The following STAT5B variants were observed in gnomAD, a reference collection of about 807,000 sequenced individuals.
STAT5B encodes transcription factor STAT5B.
STAT5B carries 21 observed loss-of-function variants against 107.8 expected under a neutral mutation model. The ratio of observed to expected loss-of-function variants is 0.19; its 90% confidence interval spans 0.14 to 0.28. The LOEUF (loss-of-function observed/expected upper bound fraction) is 0.28, where lower values mean the gene tolerates loss of function less well. Among genes scored for constraint, STAT5B ranks in the 10% least tolerant of loss-of-function variants. The probability of loss-of-function intolerance (pLI) is 1.00; values close to 1 mark genes in which losing one functional copy is unlikely to be tolerated. For synonymous variants in STAT5B, 325 were observed against 401.7 expected (o/e 0.81, Z 2.28); for missense variants, 565 against 1,008.2 (o/e 0.56, Z 5.95).
chr17:42,200,931 G>A lies in STAT5B; in HGVS notation c.*807C>T. ...CTCCACTCTGGCCAGAACACAAACGGCATTGGCACTGTAAGCTCTCAGTTA... is the reference window on the plus strand; with the variant it reads ...CTCCACTCTGGCCAGAACACAAACGACATTGGCACTGTAAGCTCTCAGTTA... On this transcript the variant is annotated 3_prime_UTR_variant, in exon 19 of 19. Coordinates refer to ENST00000293328, the MANE Select transcript of STAT5B (RefSeq NM_012448.4). 6 of 397,376 alleles carry A rather than the reference G, an allele frequency of 1.5e-5. No individual in the cohort carries two copies. Among genetic ancestry groups the A allele is most frequent in the Non-Finnish European group, 2.7e-5 (6 of 225,828 alleles). The allele number at this position is 397,376 out of a possible 1,614,324, so 24.6% of individuals were successfully genotyped here.
chr17:42,252,304 C>T (rs562490107), intron 1 of STAT5B, among the ~76,000 whole-genome samples: 2 of 152,214 alleles, frequency 1.3e-5, no homozygotes, highest in Admixed American at 6.5e-5. Flanking sequence ...TGTCTTTGAT[C>T]ATTTTGATAA....
chr17:42,236,914 C>T (rs1016538369), intron 1 of STAT5B, among the ~76,000 whole-genome samples: 3 of 152,282 alleles, frequency 2.0e-5, no homozygotes, highest in East Asian at 1.9e-4. Flanking sequence ...CCCCAGTACC[C>T]GCCATCTTCT....
chr17:42,258,557 T>G (rs2080566969), intron 1 of STAT5B, among the ~76,000 whole-genome samples: 1 of 152,224 alleles, frequency 6.6e-6, no homozygotes, highest in Non-Finnish European at 1.5e-5. Flanking sequence ...AACTTGCCTG[T>G]AATCCCAGCT....
At chr17:42,285,800 GCTC>G in the STAT5B span, among the ~76,000 whole-genome samples, 2 of 152,056 alleles carry the variant, frequency 1.3e-5, no homozygotes, top group Non-Finnish European at 2.9e-5. Flanking sequence ...AAGTTCCATA[GCTC>G]CTCCTCCTCC....
intron 9 of STAT5B, 162 bp downstream of exon 9, chr17:42,217,989 A>C (rs922007988): frequency 8.0e-7 from 1 of 1,244,630 alleles, no homozygotes; most frequent in African/African-American, 1.5e-5. Flanking sequence ...TACAGGTGTG[A>C]GCCACCACAC....
intron 12 of STAT5B, chr17:42,214,393 G>A (rs561961159): frequency 1.0e-6 from 1 of 984,922 alleles, no homozygotes; most frequent in Non-Finnish European, 1.2e-6. Context: ...CTGATTCAGA[G>A]TTTGTAAGTG....
chr17:42,202,907 C>T (rs892483015), intron 16 of STAT5B, 99 bp from the exon 17 acceptor site: 12 of 1,444,536 alleles, frequency 8.3e-6, no homozygotes, highest in Admixed American at 1.7e-5. Flanking sequence ...AACACAACCA[C>T]CTAACTTATC....
chr17:42,217,834 G>A, intron 9 of STAT5B: 2 of 439,932 alleles, frequency 4.5e-6, no homozygotes, highest in South Asian at 4.3e-5. Flanking sequence ...GCTCTCTAGT[G>A]GCTGGGATTA....
At chr17:42,286,462 G>A in the STAT5B span, among the ~76,000 whole-genome samples, 4 of 152,084 alleles carry the variant, frequency 2.6e-5, no homozygotes, top group African/African-American at 7.2e-5. Context: ...AGCTTTTTAG[G>A]ACCTAGGACT....
chr17:42,274,239 TGGTG>T (rs1261242644), intron 1 of STAT5B, among the ~76,000 whole-genome samples: 1 of 130,626 alleles, frequency 7.7e-6, no homozygotes, highest in Non-Finnish European at 1.5e-5. Context: ...ACCAAACTAC[TGGTG>T]ATAGAAATCA....
chr17:42,227,844 T>A (rs2080286877), intron 2 of STAT5B, among the ~76,000 whole-genome samples, 159 bp from the exon 3 acceptor site: 1 of 152,212 alleles, frequency 6.6e-6, no homozygotes, highest in African/African-American at 2.4e-5. Flanking sequence ...TCAATGCCTA[T>A]GTTAATCTAT....
intron 5 of STAT5B, among the ~76,000 whole-genome samples, 188 bp downstream of exon 5, chr17:42,223,194 T>G (rs371245840): frequency 1.3e-5 from 2 of 151,372 alleles, no homozygotes; most frequent in African/African-American, 4.9e-5. Flanking sequence ...AAGCGGGGGG[T>G]CCTGTCATCT....
intron 1 of STAT5B, chr17:42,272,055 A>C (rs922148975): frequency 6.6e-6 from 1 of 152,210 alleles, no homozygotes; most frequent in African/African-American, 2.4e-5. Context: ...AGCGAGTTAA[A>C]GGCCAGGAAA....
At chr17:42,241,827 T>C (rs1394787386) in intron 1 of STAT5B, among the ~76,000 whole-genome samples, 1 of 152,122 alleles carries the variant, frequency 6.6e-6, no homozygotes, top group Admixed American at 6.6e-5. Flanking sequence ...ATTGGACTAA[T>C]ATCAAGTAAG....
intron 1 of STAT5B, among the ~76,000 whole-genome samples, chr17:42,239,446 T>C (rs2080384352): frequency 6.6e-6 from 1 of 152,078 alleles, no homozygotes; most frequent in Non-Finnish European, 1.5e-5. Flanking sequence ...GCTTTATGAA[T>C]TATTAGCAAC....
intron 8 of STAT5B, 148 bp from the exon 9 acceptor site, chr17:42,218,478 G>T: frequency 4.9e-6 from 7 of 1,416,224 alleles, no homozygotes; most frequent in Non-Finnish European, 6.7e-6. Context: ...GGGAAGCCGT[G>T]AGAGTCCAGG....
intron 13 of STAT5B, 68 bp downstream of exon 13, chr17:42,211,916 G>A: frequency 1.0e-5 from 16 of 1,554,706 alleles, no homozygotes; most frequent in Non-Finnish European, 1.4e-5. Context: ...GCCCAGGGCA[G>A]GGAGACTCCT....
intron 1 of STAT5B, among the ~76,000 whole-genome samples, chr17:42,252,711 T>C (rs1417619674): frequency 6.6e-6 from 1 of 152,200 alleles, no homozygotes; most frequent in African/African-American, 2.4e-5. Flanking sequence ...GACTCATCAT[T>C]GGTGCTAATC....
intron 1 of STAT5B, among the ~76,000 whole-genome samples, chr17:42,253,167 C>G (rs534904301): frequency 6.6e-6 from 1 of 152,054 alleles, no homozygotes; most frequent in African/African-American, 2.4e-5. Context: ...TCTTCAACTA[C>G]AGGACAGAAT....
Sources: gnomAD v4.1 joint callset for allele counts (sites outside exome capture counted in the v4.1 genomes callset) on GRCh38, gnomAD v4.1.1 for gene constraint, MANE v1.5 for transcripts, NCBI Gene and HGNC (gene_info 2026-07-23, HGNC 2026-07-21) for gene names.